The following MADD variants were observed in gnomAD, a reference collection of about 807,000 sequenced individuals.
MADD encodes the protein MAP kinase-activating death domain protein.
Under a neutral mutation model 176.7 loss-of-function variants are expected in MADD, and 109 were observed. The observed-to-expected ratio is 0.62, with a 90% confidence interval of 0.53 to 0.72. The LOEUF is 0.72. Ranked by LOEUF, MADD falls within the 30% of genes least tolerant of loss-of-function variation. The pLI, the probability that MADD is intolerant of heterozygous loss-of-function variation, is 0.00. For missense variants in MADD, 1,914 were observed against 2,045.5 expected, an observed-to-expected ratio of 0.94 and a Z score of 1.24; for synonymous variants, 771 against 771.3, an observed-to-expected ratio of 1.00 and a Z score of 0.01.
chr11:47,326,320 G>C (rs2095453853), intron 30 of MADD, among the ~76,000 whole-genome samples: 1 of 152,162 alleles, frequency 6.6e-6, no homozygotes. Flanking sequence ...ACAGTCTGAG[G>C]GGAGCTTTGC....
chr11:47,275,064 C>T (rs749176898), exon 3 of MADD: 4 of 1,614,154 alleles, frequency 2.5e-6, no homozygotes, highest in Admixed American at 1.7e-5. Context: ...TCTTCTCCAC[C>T]TTCCGAGAGT....
exon 10 of MADD, chr11:47,282,941 G>A: frequency 1.9e-6 from 3 of 1,613,812 alleles, no homozygotes; most frequent in Non-Finnish European, 2.5e-6. Context: ...ACCAGAGCGG[G>A]ACTCTGACTC....
exon 3 of MADD, chr11:47,274,913 G>A (rs755698073): frequency 1.2e-6 from 2 of 1,613,932 alleles, no homozygotes; most frequent in Non-Finnish European, 1.7e-6. Context: ...AGCTCAGAGA[G>A]TGGCTCATCC....
chr11:47,269,306 G>A (rs1363438871), upstream of MADD: 1 of 152,336 alleles, frequency 6.6e-6, no homozygotes, highest in Admixed American at 6.5e-5. Context: ...CTGAGGCTTA[G>A]GCGCCCCCTT....
intron 5 of MADD, 129 bp from the exon 6 acceptor site, chr11:47,278,036 A>G: frequency 1.5e-6 from 1 of 671,316 alleles, no homozygotes; most frequent in Non-Finnish European, 2.7e-6. Context: ...GAATTTTCAA[A>G]TACATCTGGC....
chr11:47,283,154 C>T (rs556002133), intron 10 of MADD, among the ~76,000 whole-genome samples, 185 bp downstream of exon 10: 29 of 152,278 alleles, frequency 1.9e-4, no homozygotes, highest in Middle Eastern at 3.4e-3. Context: ...AGTGCAGTGA[C>T]GCAATCTCGG....
At chr11:47,307,360 A>G (rs1338575737) in intron 22 of MADD, among the ~76,000 whole-genome samples, 3 of 152,158 alleles carry the variant, frequency 2.0e-5, no homozygotes, top group Admixed American at 6.5e-5. Flanking sequence ...TTCTGGGACA[A>G]ATTCGTATTT....
chr11:47,315,377 G>T, intron 27 of MADD, 50 bp downstream of exon 30: 1 of 999,602 alleles, frequency 1.0e-6, no homozygotes, highest in South Asian at 1.3e-5. Context: ...AGAGTCACAG[G>T]GAACTCATAG....
intron 25 of MADD, among the ~76,000 whole-genome samples, chr11:47,309,977 G>A (rs184656204): frequency 1.5e-4 from 23 of 151,704 alleles, no homozygotes; most frequent in African/African-American, 5.1e-4. Context: ...AAGTAGCTGC[G>A]ATTACAGGCG....
intron 22 of MADD, among the ~76,000 whole-genome samples, chr11:47,298,022 T>C (rs2074463027): frequency 6.6e-6 from 1 of 151,930 alleles, no homozygotes; most frequent in African/African-American, 2.4e-5. Flanking sequence ...TCTCCTGACC[T>C]TGTGATCTGC....
intron 27 of MADD, among the ~76,000 whole-genome samples, chr11:47,317,946 T>A (rs963268337): frequency 6.6e-6 from 1 of 151,866 alleles, no homozygotes; most frequent in Admixed American, 6.6e-5. Context: ...ATTTTTGTGT[T>A]TTTAGTAGAG....
chr11:47,299,447 G>C (rs1017308594), intron 22 of MADD, among the ~76,000 whole-genome samples: 2 of 151,846 alleles, frequency 1.3e-5, no homozygotes, highest in Non-Finnish European at 2.9e-5. Flanking sequence ...TCGTAAATGA[G>C]ATTGCCTTCT....
At position 47,281,996 on chromosome 11, in the gene MADD, G is replaced by A. The variant is rs541530562; in HGVS notation, c.1469+243G>A. ...ATTACAGGCGCCTGCCACCACGCCT[G>A]GCTAATTTTTACATTTTTAGTAGAG... On this transcript the variant is annotated intron_variant, in intron 8 of 32. Transcript: ENST00000402192. Among the ~76,000 whole-genome samples, 3 of 151,912 alleles carry A rather than the reference G, an allele frequency of 2.0e-5. No homozygotes were observed. In the South Asian group the frequency reaches 6.2e-4, roughly 32 times the overall value.
At chr11:47,290,841 G>A (rs1437693669) in intron 19 of MADD, 25 bp downstream of exon 20, 1 of 1,566,310 alleles carries the variant, frequency 6.4e-7, no homozygotes, top group African/African-American at 1.3e-5. Flanking sequence ...GTTTGGTGTG[G>A]TGGAGGGGTC....
chr11:47,295,852 G>T (rs201296040), intron 21 of MADD, 45 bp from the exon 24 acceptor site: 2 of 1,572,788 alleles, frequency 1.3e-6, no homozygotes, highest in Non-Finnish European at 1.7e-6. Flanking sequence ...TATTTCTGGG[G>T]CCCATCCCTG....
chr11:47,282,382 G>A (rs757235029), exon 9 of MADD: 3 of 1,613,784 alleles, frequency 1.9e-6, no homozygotes, highest in South Asian at 1.1e-5. Flanking sequence ...CTTCCCCAGG[G>A]TTGCCATGGT....
chr11:47,277,220 A>G (rs2050889005), intron 5 of MADD, among the ~76,000 whole-genome samples: 1 of 152,202 alleles, frequency 6.6e-6, no homozygotes, highest in Admixed American at 6.5e-5. Flanking sequence ...TTTTTTCTAT[A>G]CATATATACC....
At chr11:47,323,266 T>C (rs538457498) in intron 27 of MADD, among the ~76,000 whole-genome samples, 1 of 149,194 alleles carries the variant, frequency 6.7e-6, no homozygotes, top group South Asian at 2.1e-4. Flanking sequence ...TTATAGCCAA[T>C]GTGATGGTGT....
In MADD at chr11:47,323,856, G is replaced by T. The variant is rs1295951680; in HGVS notation, c.4362+21G>T. ...AAAAGGTACGCAGGATCTGTGTTTG[G>T]GTTGGGGCTAGTAGGCATTGAAGAC... is the stretch of plus-strand genomic sequence containing the variant. On this transcript the variant is annotated intron_variant, in intron 28 of 32. Coordinates refer to ENST00000402192, the Ensembl canonical transcript of MADD. The T allele has an allele frequency of 3.1e-6, 5 of 1,612,312 alleles. No homozygotes were observed. The South Asian group carries it at 4.4e-5, about 14-fold the overall frequency.
Sources: gnomAD v4.1 joint callset for allele counts (sites outside exome capture counted in the v4.1 genomes callset) on GRCh38, gnomAD v4.1.1 for gene constraint, MANE v1.5 for transcripts, NCBI Gene and HGNC (gene_info 2026-07-23, HGNC 2026-07-21) for gene names.